CSMD2: variants seen among roughly 807,000 people sequenced by gnomAD.
CSMD2 encodes CUB and Sushi multiple domains 2, also known as CUB and sushi domain-containing protein 2.
In CSMD2, 130 loss-of-function variants were observed where a neutral mutation model predicts 398.5. That is an observed-to-expected ratio of 0.33 (90% CI 0.28 to 0.38). CSMD2 has a LOEUF of 0.38. Ranked by LOEUF, CSMD2 falls within the 10% of genes least tolerant of loss-of-function variation. CSMD2 has a pLI of 1.00. For missense variants in CSMD2, 3,829 were observed against 4,764.9 expected (o/e 0.80, Z 5.78); for synonymous variants, 1,828 against 1,908.5 (o/e 0.96, Z 1.10).
intron 52 of CSMD2, among the ~76,000 whole-genome samples, chr1:33,568,399 C>A (rs1659273338): frequency 1.3e-5 from 2 of 152,090 alleles, no homozygotes; most frequent in Admixed American, 1.3e-4. Flanking sequence ...GTTGGCCAGG[C>A]TGGTCTCGAA....
At position 33,714,767 on chromosome 1, in the gene CSMD2, A is replaced by C. The variant is rs1469857133; in HGVS notation, c.3226T>G (p.Leu1076Val). ...ACCTCGGGCTCCTCACAGGGCTCCA[A>C]GTCGTACTCTGGAAAGGTAGCAGGA... ...GFNITFSEYD[L>V]EPCEEPEVPA... The change falls in exon 21 of 71, where the codon TTG becomes GTG. Residue 1076 changes from leucine to valine, a missense_variant. By Grantham distance (32) the Leu-to-Val change is conservative. Around this residue, in one of 5 missense-constraint regions of CSMD2, gnomAD observed 2,001 missense variants for 2,567.1 expected, o/e 0.78. Coordinates refer to ENST00000373381, the MANE Select transcript of CSMD2 (RefSeq NM_001281956.2). The C allele has an allele frequency of 6.2e-7, 1 of 1,614,044 alleles. No homozygotes were observed. Among genetic ancestry groups the C allele is most frequent in the Admixed American group, 1.7e-5 (1 of 60,024 alleles).
intron 32 of CSMD2, among the ~76,000 whole-genome samples, chr1:33,629,708 G>A (rs533046538): frequency 6.6e-6 from 1 of 151,926 alleles, no homozygotes; most frequent in South Asian, 2.1e-4. Flanking sequence ...GAGGAATAAG[G>A]GACTCTCTGA....
chr1:33,582,144 C>T lies in CSMD2; in HGVS notation c.7241-1245G>A, dbSNP rs563016371. Reference sequence around the variant, plus strand: ...GTGGGTCAAAACTGATGGGGAGAGACACTGGGCTCCCTAGCAGTAATGGGG... The same window carrying T: ...GTGGGTCAAAACTGATGGGGAGAGATACTGGGCTCCCTAGCAGTAATGGGG... On this transcript the variant is annotated intron_variant, in intron 47 of 70. Coordinates refer to ENST00000373381, the MANE Select transcript of CSMD2 (RefSeq NM_001281956.2). Among the ~76,000 whole-genome samples the T allele has an allele frequency of 3.3e-5, 5 of 152,234 alleles. No individual in the cohort carries two copies. The South Asian group carries it at 1.0e-3, about 32-fold the overall frequency.
intron 5 of CSMD2, among the ~76,000 whole-genome samples, chr1:33,896,525 T>C (rs1376957868): frequency 6.6e-6 from 1 of 152,210 alleles, no homozygotes; most frequent in African/African-American, 2.4e-5. Flanking sequence ...ACTAACTCCC[T>C]GGGTGACTTT....
At chr1:33,525,149 C>T in intron 65 of CSMD2, 106 bp from the exon 66 acceptor site, 1 of 1,203,428 alleles carries the variant, frequency 8.3e-7, no homozygotes, top group South Asian at 1.4e-5. Context: ...GTTTCCTTTC[C>T]CCAATGTCTA....
intron 1 of CSMD2, among the ~76,000 whole-genome samples, chr1:34,111,957 C>A (rs1661125136): frequency 6.6e-6 from 1 of 151,868 alleles, no homozygotes; most frequent in Admixed American, 6.6e-5. Flanking sequence ...CTGAAAGGAA[C>A]CTTATTTCAA....
At chr1:33,810,711 C>T (rs745764149) in intron 10 of CSMD2, 32 bp downstream of exon 10, 2 of 1,608,154 alleles carry the variant, frequency 1.2e-6, no homozygotes, top group Non-Finnish European at 1.7e-6. Flanking sequence ...GCCCTGCCCA[C>T]AGAACACCAC....
chr1:33,647,200 T>C (rs575158122), intron 28 of CSMD2, among the ~76,000 whole-genome samples: 1 of 152,174 alleles, frequency 6.6e-6, no homozygotes, highest in Non-Finnish European at 1.5e-5. Flanking sequence ...GACACTAATG[T>C]CCTTATACTG....
intron 5 of CSMD2, among the ~76,000 whole-genome samples, chr1:33,892,014 C>T (rs1642052617): frequency 1.3e-5 from 2 of 150,040 alleles, no homozygotes. Context: ...CTAACCTGCA[C>T]ATTGTGCACA....
chr1:34,143,571 G>A (rs900928649), intron 1 of CSMD2, among the ~76,000 whole-genome samples: 18 of 152,186 alleles, frequency 1.2e-4, no homozygotes, highest in African/African-American at 4.1e-4. Flanking sequence ...AGCTTAGGGG[G>A]ATGTGGGCCA....
Position 33,524,959 on chromosome 1 carries a change from A to G in CSMD2, c.10319T>C (p.Val3440Ala). 6.2e-7 allele frequency: 1 copy of G among 1,614,130 alleles called. No individual in the cohort carries two copies. Among genetic ancestry groups the G allele is most frequent in the Non-Finnish European group, 8.5e-7 (1 of 1,180,016 alleles). ...QGKKQPAMLRVTGFQVANSKV... is the reference protein window; with the variant it reads ...QGKKQPAMLRATGFQVANSKV... ...GCTGTTGGCAACTTGGAAGCCAGTCACTCTGAGCATGGCTGGCTGCTTCTT... is the reference window on the plus strand; with the variant it reads ...GCTGTTGGCAACTTGGAAGCCAGTCGCTCTGAGCATGGCTGGCTGCTTCTT... Residue 3440 changes from valine to alanine, a missense_variant, in exon 66 of 71, where the codon GTG becomes GCG. Physicochemically the swap from Val to Ala is moderately conservative, Grantham distance 64. Coordinates refer to ENST00000373381, the MANE Select transcript of CSMD2 (RefSeq NM_001281956.2).
At chr1:33,656,496 T>C (rs1643950153) in intron 27 of CSMD2, among the ~76,000 whole-genome samples, 1 of 152,172 alleles carries the variant, frequency 6.6e-6, no homozygotes, top group African/African-American at 2.4e-5. Flanking sequence ...GTGTGTCAAC[T>C]TCAGGGCCAG....
chr1:33,916,427 G>A (rs1039761084), intron 5 of CSMD2, among the ~76,000 whole-genome samples: 8 of 152,164 alleles, frequency 5.3e-5, no homozygotes, highest in South Asian at 2.1e-4. Flanking sequence ...TTCACACTGC[G>A]CAGATCATCA....
intron 47 of CSMD2, among the ~76,000 whole-genome samples, chr1:33,581,178 T>C (rs1057317055): frequency 3.3e-5 from 5 of 151,614 alleles, no homozygotes; most frequent in African/African-American, 1.2e-4. Flanking sequence ...GTCAAGTAGC[T>C]GGTTAATGGA....
chr1:33,932,932 G>A (rs574946365), intron 4 of CSMD2, among the ~76,000 whole-genome samples: 2 of 152,324 alleles, frequency 1.3e-5, no homozygotes, highest in Non-Finnish European at 2.9e-5. Flanking sequence ...CACCAAGGTG[G>A]AAGAGGCTGG....
At chr1:33,964,601 C>T (rs1645492048) in intron 3 of CSMD2, among the ~76,000 whole-genome samples, 2 of 152,282 alleles carry the variant, frequency 1.3e-5, no homozygotes, top group South Asian at 4.1e-4. Flanking sequence ...AAGACTTCTG[C>T]TTTTTTGTTT....
At position 33,635,111 on chromosome 1, in the gene CSMD2, C is replaced by A. The variant is rs912263163; in HGVS notation, c.5086+103G>T. ...TGGGGAGACTGTTCTGCGATTCCCACAATGGGGCTGTATATAATTGGGAGG... is the reference window on the plus strand; with the variant it reads ...TGGGGAGACTGTTCTGCGATTCCCAAAATGGGGCTGTATATAATTGGGAGG... On this transcript the variant is annotated intron_variant, in intron 31 of 70. Transcript: ENST00000373381. The surrounding 1 kb of genome is among the most constrained non-coding windows in gnomAD (Gnocchi z 5.0). 4.2e-6 allele frequency: 3 copies of A among 715,078 alleles called. No individual in the cohort carries two copies. The highest frequency in any genetic ancestry group is 2.5e-6 in the Non-Finnish European group (1 of 403,714). The allele number at this position is 715,078 out of a possible 1,614,324, so 44.3% of individuals were successfully genotyped here. A position where few individuals can be genotyped will look rare whatever the true frequency, so the allele number is the denominator to read the frequency against.
At chr1:33,611,331 G>T in intron 40 of CSMD2, 81 bp from the exon 41 acceptor site, 2 of 1,241,652 alleles carry the variant, frequency 1.6e-6, no homozygotes, top group Non-Finnish European at 2.3e-6. Context: ...AGCAGCTCCT[G>T]CCAGAGCCAT....
intron 60 of CSMD2, among the ~76,000 whole-genome samples, chr1:33,538,475 CGT>C (rs36072752): frequency 9.3e-5 from 14 of 151,318 alleles, no homozygotes; most frequent in Non-Finnish European, 1.8e-4. Context: ...TGTGCGTGTG[CGT>C]GTGTGTGTGT....
Sources: allele counts gnomAD v4.1 joint callset (sites outside exome capture counted in the v4.1 genomes callset), GRCh38; gene constraint gnomAD v4.1.1; regional missense constraint gnomAD v4.1.1; non-coding constraint Gnocchi (gnomAD v3.1); transcripts MANE v1.5; gene names NCBI Gene and HGNC (gene_info 2026-07-23, HGNC 2026-07-21).